RARB: variants seen among roughly 807,000 people sequenced by gnomAD.
RARB encodes HBV-activated protein.
In RARB, 17 loss-of-function variants were observed where a neutral mutation model predicts 51.9. That is an observed-to-expected ratio of 0.33 (90% CI 0.22 to 0.49). The LOEUF (loss-of-function observed/expected upper bound fraction) is 0.49. Among genes scored for constraint, RARB ranks in the 20% least tolerant of loss-of-function variants. RARB has a pLI of 0.99. For missense variants in RARB, 369 were observed against 550.8 expected, an observed-to-expected ratio of 0.67 and a Z score of 3.30; for synonymous variants, 215 against 195.4, an observed-to-expected ratio of 1.10 and a Z score of -0.84.
chr3:25,556,874 G>T (rs1232310692), intron 3 of RARB, among the ~76,000 whole-genome samples: 1 of 152,332 alleles, frequency 6.6e-6, no homozygotes, highest in Non-Finnish European at 1.5e-5. Context: ...GTCTGTGACA[G>T]TTGGCAATTA....
chr3:25,445,539 C>T (rs923121459), intron 1 of RARB, among the ~76,000 whole-genome samples: 5 of 151,952 alleles, frequency 3.3e-5, no homozygotes, highest in African/African-American at 4.8e-5. Flanking sequence ...GGTGGGGGCA[C>T]GCCTGTAGTC....
rs202090192 is a variant in RARB, at chr3:25,014,846, G to GA, written c.-379-45270dup. Reference sequence around the variant, plus strand: ...ATAGTATCACAGGAATAATTAGGCAGAAAAAAAAACCCTCACAAGTTCACC... The same window carrying GA: ...ATAGTATCACAGGAATAATTAGGCAGAAAAAAAAAACCCTCACAAGTTCACC... On this transcript the variant is annotated intron_variant, in intron 2 of 11. Coordinates refer to the RARB transcript ENST00000383772. 3.3e-3 allele frequency among the ~76,000 whole-genome samples: 495 copies of GA among 150,676 alleles called. 3 individuals carry two copies. Among genetic ancestry groups the GA allele is most frequent in the African/African-American group, 0.011 (448 of 41,086 alleles).
chr3:24,909,161 T>C (rs1297204602), intron 2 of RARB, among the ~76,000 whole-genome samples: 1 of 152,198 alleles, frequency 6.6e-6, no homozygotes, highest in Non-Finnish European at 1.5e-5. Context: ...AAGTAAGTTG[T>C]AGATGAGGGC....
chr3:25,245,395 G>A (rs1374760749), intron 5 of RARB, among the ~76,000 whole-genome samples: 1 of 152,184 alleles, frequency 6.6e-6, no homozygotes, highest in African/African-American at 2.4e-5. Context: ...TATCTTCATA[G>A]TGTTGATGGC....
intron 2 of RARB, among the ~76,000 whole-genome samples, chr3:25,059,006 C>T (rs745327961): frequency 4.6e-5 from 7 of 151,362 alleles, no homozygotes; most frequent in East Asian, 1.9e-4. Context: ...AGTATTAATG[C>T]CTTGGCCAGT....
At chr3:25,356,674 T>C (rs1259770620) in intron 5 of RARB, among the ~76,000 whole-genome samples, 2 of 151,962 alleles carry the variant, frequency 1.3e-5, no homozygotes, top group African/African-American at 2.4e-5. Flanking sequence ...TGCCCCCCAT[T>C]CCCTGACAGG....
intron 1 of RARB, among the ~76,000 whole-genome samples, chr3:25,452,838 G>T (rs1341126923): frequency 6.6e-6 from 1 of 152,156 alleles, no homozygotes; most frequent in Non-Finnish European, 1.5e-5. Flanking sequence ...CACTTTGCAT[G>T]GTCCCTAACA....
intron 4 of RARB, among the ~76,000 whole-genome samples, chr3:25,159,154 C>CTTTT (rs397874262): frequency 3.1e-5 from 2 of 65,304 alleles, no homozygotes; most frequent in Non-Finnish European, 5.5e-5. Flanking sequence ...TCCAAATTGT[C>CTTTT]TTTTTTTTTT....
chr3:25,560,578 A>G (rs1036681933), intron 3 of RARB, among the ~76,000 whole-genome samples: 7 of 152,198 alleles, frequency 4.6e-5, no homozygotes, highest in African/African-American at 1.7e-4. Flanking sequence ...CTAACATTAG[A>G]GGTGAACCCA....
At chr3:25,037,544 G>T (rs1335028691) in intron 2 of RARB, among the ~76,000 whole-genome samples, 1 of 152,098 alleles carries the variant, frequency 6.6e-6, no homozygotes, top group Non-Finnish European at 1.5e-5. Context: ...CTAGGAGAGT[G>T]AAAGGAACTA....
intron 5 of RARB, among the ~76,000 whole-genome samples, chr3:25,212,001 AT>A (rs1297076196): frequency 1.1e-4 from 17 of 152,154 alleles, no homozygotes; most frequent in Non-Finnish European, 2.1e-4. Flanking sequence ...AAAGAGATAT[AT>A]TTTACTACCT....
chr3:25,201,825 T>C lies in RARB; in HGVS notation c.178+27250T>C, dbSNP rs557396679. Among the ~76,000 whole-genome samples the C allele has an allele frequency of 4.5e-3, 684 of 152,238 alleles. 8 individuals carry two copies. Among genetic ancestry groups the C allele is most frequent in the African/African-American group, 0.015 (633 of 41,512 alleles). ...AAGCTTTTTGATGTGCTGCTGGATT[T>C]GGTTTGCCAGTATTTTACTGAGGAT... is the stretch of plus-strand genomic sequence containing the variant. On this transcript the variant is annotated intron_variant, in intron 5 of 11. Transcript: ENST00000383772.
chr3:25,257,059 A>G (rs535565525), intron 5 of RARB, among the ~76,000 whole-genome samples: 30 of 152,164 alleles, frequency 2.0e-4, no homozygotes, highest in South Asian at 1.0e-3. Context: ...AAGCTCATCA[A>G]TGTAGAGTTA....
intron 5 of RARB, among the ~76,000 whole-genome samples, chr3:25,197,884 T>C (rs770162863): frequency 3.3e-5 from 5 of 151,968 alleles, no homozygotes; most frequent in Non-Finnish European, 7.4e-5. Flanking sequence ...TTCAGAGCAA[T>C]CCCTAGCAAA....
intron 3 of RARB, among the ~76,000 whole-genome samples, chr3:25,511,879 T>C (rs562462836): frequency 6.6e-6 from 1 of 152,188 alleles, no homozygotes; most frequent in Non-Finnish European, 1.5e-5. Context: ...AAGGGGTCAA[T>C]GAATGGGTGG....
chr3:25,228,885 A>C (rs1702115513), intron 5 of RARB, among the ~76,000 whole-genome samples: 1 of 152,136 alleles, frequency 6.6e-6, no homozygotes, highest in African/African-American at 2.4e-5. Context: ...AGTGACTCCT[A>C]GTGAAGATTC....
intron 5 of RARB, among the ~76,000 whole-genome samples, chr3:25,379,369 A>G (rs1203915535): frequency 6.6e-6 from 1 of 152,160 alleles, no homozygotes; most frequent in African/African-American, 2.4e-5. Flanking sequence ...CTAGACTCAC[A>G]CTTAACTGAA....
intron 2 of RARB, among the ~76,000 whole-genome samples, chr3:24,877,020 A>C (rs975122136): frequency 2.0e-5 from 3 of 152,156 alleles, no homozygotes; most frequent in African/African-American, 7.2e-5. Context: ...TACAAATTGA[A>C]ATGACAATAT....
At chr3:25,297,397 G>A (rs1413651243) in intron 5 of RARB, among the ~76,000 whole-genome samples, 2 of 113,626 alleles carry the variant, frequency 1.8e-5, no homozygotes, top group East Asian at 3.3e-4. Flanking sequence ...TACTCAGAAG[G>A]TATTCTTTTT....
Sources: gnomAD v4.1 joint callset for allele counts (sites outside exome capture counted in the v4.1 genomes callset) on GRCh38, gnomAD v4.1.1 for gene constraint, MANE v1.5 for transcripts, NCBI Gene and HGNC (gene_info 2026-07-23, HGNC 2026-07-21) for gene names.